Variants in HDAC9 observed in about 807,000 individuals in gnomAD.
HDAC9 encodes histone deacetylase 9, also known as MEF-2 interacting transcription repressor (MITR) protein.
A neutral mutation model predicts 139.4 loss-of-function variants in HDAC9; 41 were observed. The ratio of observed to expected loss-of-function variants is 0.29; its 90% CI spans 0.23 to 0.38. The LOEUF (loss-of-function observed/expected upper bound fraction) is 0.38. HDAC9 is among the 10% of genes least tolerant of loss of function. The pLI is 1.00. For synonymous variants in HDAC9, 517 were observed against 476.2 expected, an observed-to-expected ratio of 1.09 and a Z score of -1.12; for missense variants, 1,147 against 1,297.0, an observed-to-expected ratio of 0.88 and a Z score of 1.78.
chr7:18,766,671 AT>A (rs1411989053), intron 15 of HDAC9, among the ~76,000 whole-genome samples: 2 of 152,188 alleles, frequency 1.3e-5, no homozygotes, highest in Non-Finnish European at 2.9e-5. Flanking sequence ...TATTTGAAAT[AT>A]TTTTTAAATG....
At chr7:18,329,280 A>G (rs1246785662) in intron 1 of HDAC9, among the ~76,000 whole-genome samples, 2 of 151,712 alleles carry the variant, frequency 1.3e-5, no homozygotes, top group Non-Finnish European at 2.9e-5. Flanking sequence ...TATGTATTTT[A>G]TATTTCAAAA....
chr7:18,844,263 A>T (rs776294754), intron 21 of HDAC9, among the ~76,000 whole-genome samples: 10 of 152,192 alleles, frequency 6.6e-5, no homozygotes, highest in Admixed American at 1.3e-4. Context: ...TACTGTCGTA[A>T]AGCCATAGGG....
chr7:18,695,348 T>C (rs1782968222), intron 12 of HDAC9, among the ~76,000 whole-genome samples: 3 of 152,200 alleles, frequency 2.0e-5, no homozygotes, highest in African/African-American at 7.2e-5. Context: ...AATGTTGTGT[T>C]TCCCTATCTT....
intron 1 of HDAC9, among the ~76,000 whole-genome samples, chr7:18,140,072 T>C (rs1395775741): frequency 6.6e-6 from 1 of 152,144 alleles, no homozygotes; most frequent in Non-Finnish European, 1.5e-5. Context: ...TGTAAGCCCA[T>C]AAGCAACCTC....
intron 24 of HDAC9, among the ~76,000 whole-genome samples, chr7:18,963,086 A>T (rs1783628261): frequency 1.3e-5 from 2 of 152,206 alleles, no homozygotes; most frequent in Non-Finnish European, 2.9e-5. Context: ...AAAATGTAAT[A>T]GAGTTTGCAT....
At chr7:18,794,905 A>T (rs1258521027) in intron 17 of HDAC9, among the ~76,000 whole-genome samples, 1 of 152,214 alleles carries the variant, frequency 6.6e-6, no homozygotes, top group Non-Finnish European at 1.5e-5. Context: ...TAGCTTTCAC[A>T]ATTTCTAATT....
chr7:18,515,287 T>C (rs1802813761), intron 2 of HDAC9, among the ~76,000 whole-genome samples: 1 of 152,242 alleles, frequency 6.6e-6, no homozygotes, highest in Non-Finnish European at 1.5e-5. Flanking sequence ...TAAGTGTATC[T>C]CATTGCTGAA....
intron 22 of HDAC9, among the ~76,000 whole-genome samples, chr7:18,882,674 A>C (rs1585216271): frequency 1.3e-5 from 2 of 151,216 alleles, no homozygotes; most frequent in Non-Finnish European, 2.9e-5. Flanking sequence ...TGGGGAAGGG[A>C]GATAATAATT....
chr7:18,262,688 G>C (rs1795756910), intron 2 of HDAC9, among the ~76,000 whole-genome samples: 1 of 152,134 alleles, frequency 6.6e-6, no homozygotes. Context: ...GGCTAATAGT[G>C]TATTCAGAAG....
intron 1 of HDAC9, among the ~76,000 whole-genome samples, chr7:18,306,322 C>T (rs1249538953): frequency 2.6e-5 from 4 of 152,146 alleles, no homozygotes; most frequent in Non-Finnish European, 5.9e-5. Context: ...TACATCCAAT[C>T]GTTACAGTTA....
intron 12 of HDAC9, among the ~76,000 whole-genome samples, chr7:18,670,398 C>T (rs1795599466): frequency 1.3e-5 from 2 of 152,048 alleles, no homozygotes; most frequent in South Asian, 4.1e-4. Flanking sequence ...CTTGTTGTTA[C>T]ATCTAATTTT....
chr7:18,915,897 A>T (rs1326863566), intron 22 of HDAC9, among the ~76,000 whole-genome samples: 1 of 151,616 alleles, frequency 6.6e-6, no homozygotes, highest in Non-Finnish European at 1.5e-5. Context: ...CTGGGCCCTT[A>T]GAGTGCAGAG....
chr7:18,817,055 A>T (rs1794616451), intron 17 of HDAC9, among the ~76,000 whole-genome samples: 1 of 150,938 alleles, frequency 6.6e-6, no homozygotes, highest in East Asian at 1.9e-4. Context: ...TTTTTTTTGA[A>T]ATGGAGTCTC....
intron 1 of HDAC9, among the ~76,000 whole-genome samples, chr7:18,378,038 G>A (rs1483259241): frequency 6.6e-6 from 1 of 152,130 alleles, no homozygotes; most frequent in African/African-American, 2.4e-5. Flanking sequence ...CTTGGAAATA[G>A]ATGGTGTTTT....
chr7:18,254,718 T>C (rs1795123849), intron 2 of HDAC9, among the ~76,000 whole-genome samples: 1 of 152,210 alleles, frequency 6.6e-6, no homozygotes, highest in African/African-American at 2.4e-5. Context: ...AAGGGAAATT[T>C]TATAGCATAT....
Position 18,823,954 on chromosome 7 carries a change from G to C in HDAC9, c.2323-5207G>C, listed in dbSNP as rs142561563. On this transcript the variant is annotated intron_variant, in intron 17 of 25. Transcript: ENST00000686413. ...GATGATGCCACTGCACTGCAGCCTG[G>C]GTGACAGGGCAAGACCCTGTGAAAG... Among the ~76,000 whole-genome samples the C allele has an allele frequency of 8.6e-4, 130 of 151,216 alleles. 1 individual carries two copies. The East Asian group carries it at 0.011, about 13-fold the overall frequency.
chr7:18,248,471 T>C (rs1794703912), intron 2 of HDAC9, among the ~76,000 whole-genome samples: 1 of 152,206 alleles, frequency 6.6e-6, no homozygotes, highest in Non-Finnish European at 1.5e-5. Flanking sequence ...CCCTTGAATG[T>C]ATTGAACATG....
intron 1 of HDAC9, among the ~76,000 whole-genome samples, chr7:18,119,839 C>G (rs966564584): frequency 2.0e-5 from 3 of 152,144 alleles, no homozygotes; most frequent in East Asian, 3.9e-4. Context: ...GATTTTACAT[C>G]CTTTCAACTT....
chr7:18,177,934 A>G (rs1190803624), intron 2 of HDAC9, among the ~76,000 whole-genome samples: 5 of 152,074 alleles, frequency 3.3e-5, no homozygotes, highest in African/African-American at 1.2e-4. Context: ...GAGCAAAACC[A>G]AACTGTTTCA....
Sources: allele counts gnomAD v4.1 joint callset (sites outside exome capture counted in the v4.1 genomes callset), GRCh38; gene constraint gnomAD v4.1.1; transcripts MANE v1.5; gene names NCBI Gene and HGNC (gene_info 2026-07-23, HGNC 2026-07-21).